Variants in SLC13A4 observed in about 807,000 individuals in gnomAD.
SLC13A4 encodes the protein Na(+)/sulfate cotransporter SUT-1.
In SLC13A4, 28 loss-of-function variants were observed where a neutral mutation model predicts 72.7. The observed-to-expected ratio is 0.39, with a 90% CI of 0.29 to 0.53. The LOEUF (loss-of-function observed/expected upper bound fraction) is 0.53. Ranked by LOEUF, SLC13A4 falls within the 20% of genes least tolerant of loss-of-function variation. The pLI, the probability that SLC13A4 is intolerant of heterozygous loss-of-function variation, is 0.78. For missense variants in SLC13A4, 653 were observed against 788.0 expected (o/e 0.83, Z 2.05); for synonymous variants, 312 against 325.5 (o/e 0.96, Z 0.45).
At chr7:135,725,608 C>G (rs528989040) in intron 1 of SLC13A4, among the ~76,000 whole-genome samples, 2 of 152,170 alleles carry the variant, frequency 1.3e-5, no homozygotes. Flanking sequence ...TACTCCATCA[C>G]TGCTCTCAAC....
chr7:135,716,904 T>A (rs988038793), intron 2 of SLC13A4, among the ~76,000 whole-genome samples: 1 of 152,220 alleles, frequency 6.6e-6, no homozygotes, highest in African/African-American at 2.4e-5. Flanking sequence ...CACGTTGGAC[T>A]GATGGTGACT....
At chr7:135,697,301 C>T (rs1795924772) in intron 8 of SLC13A4, among the ~76,000 whole-genome samples, 1 of 152,250 alleles carries the variant, frequency 6.6e-6, no homozygotes, top group Non-Finnish European at 1.5e-5. Flanking sequence ...ACCTGGACAT[C>T]TCAGCCTCTA....
At chr7:135,701,599 C>T (rs758461882) in intron 7 of SLC13A4, 81 bp downstream of exon 7, 65 of 1,391,226 alleles carry the variant, frequency 4.7e-5, no homozygotes, top group Middle Eastern at 3.5e-4. Context: ...GATTCCCTTA[C>T]GACTTCAAGA....
At position 135,684,115 on chromosome 7, in the gene SLC13A4, C is replaced by T. The variant is rs774161155; in HGVS notation, c.1746+9G>A. On this transcript the variant is annotated intron_variant, in intron 15 of 15. Coordinates refer to ENST00000682651, the MANE Select transcript of SLC13A4 (RefSeq NM_001318192.2). Reference sequence around the variant, plus strand: ...CTGGGCCTGGCAGGGAGAGGGCACCCCAACTCACCATATCTTTGATCTGGC... The same window carrying T: ...CTGGGCCTGGCAGGGAGAGGGCACCTCAACTCACCATATCTTTGATCTGGC... 13 of 1,592,772 alleles carry T rather than the reference C, an allele frequency of 8.2e-6. No homozygotes were observed. The highest frequency in any genetic ancestry group is 1.1e-5 in the Non-Finnish European group (13 of 1,165,582).
chr7:135,722,407 T>A (rs763261882), intron 1 of SLC13A4, among the ~76,000 whole-genome samples: 2 of 152,098 alleles, frequency 1.3e-5, no homozygotes, highest in African/African-American at 4.8e-5. Flanking sequence ...GAAGTGAGAT[T>A]TATAAACAAT....
intron 2 of SLC13A4, among the ~76,000 whole-genome samples, chr7:135,710,675 C>G (rs1316430822): frequency 6.6e-6 from 1 of 152,166 alleles, no homozygotes; most frequent in Non-Finnish European, 1.5e-5. Flanking sequence ...ACTTTGTGCA[C>G]GAAACACTTT....
At chr7:135,705,904 TGAA>T (rs1005391318) in intron 4 of SLC13A4, 3 of 551,440 alleles carry the variant, frequency 5.4e-6, no homozygotes, top group African/African-American at 1.9e-5. Flanking sequence ...AGCCCAGAAG[TGAA>T]GGAGGAAGGA....
At chr7:135,695,310 T>C (rs1193222838) in intron 9 of SLC13A4, 58 bp downstream of exon 9, 4 of 1,607,564 alleles carry the variant, frequency 2.5e-6, no homozygotes, top group African/African-American at 2.7e-5. Context: ...GCCCATGCCA[T>C]GGCCTTTGGA....
chr7:135,697,326 A>G (rs144299814), intron 8 of SLC13A4, among the ~76,000 whole-genome samples: 77 of 152,240 alleles, frequency 5.1e-4, no homozygotes, highest in African/African-American at 1.7e-3. Flanking sequence ...ACTTTTTCCA[A>G]CACCCCATAC....
In SLC13A4 at chr7:135,681,800, G is replaced by T. The variant is rs148990616; in HGVS notation, c.1747-100C>A. On this transcript the variant is annotated intron_variant, in intron 15 of 15. Coordinates refer to ENST00000682651, the MANE Select transcript of SLC13A4 (RefSeq NM_001318192.2). ...CCTGCAGCCTATGCCTTGTGGCCCA[G>T]ATTAGTTCCCAGTTGCTGCCTGGGG... is the stretch of plus-strand genomic sequence containing the variant. 5 of 1,508,112 alleles carry T rather than the reference G, an allele frequency of 3.3e-6. No homozygotes were observed. The South Asian group carries it at 5.3e-5, about 16-fold the overall frequency. 93.4% of individuals were successfully genotyped at this position (1,508,112 alleles called of 1,614,324 possible). A position where few individuals can be genotyped will look rare whatever the true frequency, so the allele number is the denominator to read the frequency against.
At chr7:135,721,649 G>T in intron 1 of SLC13A4, 126 bp from the exon 2 acceptor site, 1 of 1,192,906 alleles carries the variant, frequency 8.4e-7, no homozygotes, top group Non-Finnish European at 1.2e-6. Context: ...ACAGCCCAGG[G>T]ACCGAAACCG....
At chr7:135,693,540 G>C (rs1470586726) in intron 10 of SLC13A4, 2 of 152,108 alleles carry the variant, frequency 1.3e-5, no homozygotes, top group East Asian at 3.8e-4. Context: ...ATAACTTAAA[G>C]CTTTAAATAA....
At chr7:135,715,228 AGTGTATGT>A (rs896031698) in intron 2 of SLC13A4, among the ~76,000 whole-genome samples, 8 of 132,082 alleles carry the variant, frequency 6.1e-5, no homozygotes, top group South Asian at 4.9e-4. Flanking sequence ...TGTATATGTG[AGTGTATGT>A]GTGTATGTGT....
In SLC13A4 at chr7:135,705,669, A is replaced by C; in HGVS notation, c.539-19T>G. On this transcript the variant is annotated intron_variant, in intron 4 of 15. Coordinates refer to ENST00000682651, the MANE Select transcript of SLC13A4 (RefSeq NM_001318192.2). The stretch of plus-strand genomic sequence containing the variant: ...TCCAGACCTATGAGTAGCAAAGAAA[A>C]GCAGTATGTGAGAGGTGGAGGCTGG... The C allele has an allele frequency of 6.2e-7, 1 of 1,612,870 alleles. No individual in the cohort carries two copies. Among genetic ancestry groups the C allele is most frequent in the Non-Finnish European group, 8.5e-7 (1 of 1,178,942 alleles).
At chr7:135,705,533 T>G in intron 5 of SLC13A4, 63 bp downstream of exon 5, 5 of 1,517,914 alleles carry the variant, frequency 3.3e-6, no homozygotes, top group Non-Finnish European at 4.6e-6. Context: ...CTAGGTCCCC[T>G]CTTTTCTGAC....
At chr7:135,697,834 TTGTC>T (rs750585057) in intron 8 of SLC13A4, among the ~76,000 whole-genome samples, 1 of 152,014 alleles carries the variant, frequency 6.6e-6, no homozygotes, top group Non-Finnish European at 1.5e-5. Context: ...ACTGCTTTCT[TTGTC>T]TGGCTAATCT....
chr7:135,688,665 A>G (rs1469547969), intron 13 of SLC13A4, among the ~76,000 whole-genome samples: 1 of 152,202 alleles, frequency 6.6e-6, no homozygotes, highest in Non-Finnish European at 1.5e-5. Context: ...AATCAAAGGA[A>G]GTCTTAATTC....
chr7:135,725,970 A>G (rs1486617203), intron 1 of SLC13A4, among the ~76,000 whole-genome samples: 1 of 152,064 alleles, frequency 6.6e-6, no homozygotes. Flanking sequence ...CTCTGCGTCT[A>G]CAAAAAAAAG....
chr7:135,686,541 C>T (rs1382692694), intron 13 of SLC13A4, among the ~76,000 whole-genome samples: 1 of 152,080 alleles, frequency 6.6e-6, no homozygotes, highest in Admixed American at 6.6e-5. Flanking sequence ...ACGCCCTGCT[C>T]TTTTTATTTG....
Sources: allele counts gnomAD v4.1 joint callset (sites outside exome capture counted in the v4.1 genomes callset), GRCh38; gene constraint gnomAD v4.1.1; transcripts MANE v1.5; gene names NCBI Gene and HGNC (gene_info 2026-07-23, HGNC 2026-07-21).